OR11G2: variants seen among roughly 807,000 people sequenced by gnomAD.
OR11G2 encodes olfactory receptor 11G2.
A neutral mutation model predicts 0.9 loss-of-function variants in OR11G2; 2 were observed. The observed-to-expected ratio is 2.35, with a 90% CI of 0.96 to 7.38. OR11G2 has a LOEUF of 7.38. Ranked by LOEUF, OR11G2 falls within the 30% of genes most tolerant of loss-of-function variation. The pLI, the probability that OR11G2 is intolerant of heterozygous loss-of-function variation, is 0.05. For missense variants in OR11G2, 395 were observed against 371.3 expected, an observed-to-expected ratio of 1.06 and a Z score of -0.52; for synonymous variants, 153 against 142.0, an observed-to-expected ratio of 1.08 and a Z score of -0.55.
rs1470967821 is a variant in OR11G2, at chr14:20,194,221, T to C, written c.-5+2555T>C. On this transcript the variant is annotated intron_variant, in intron 1 of 1. Transcript: ENST00000641879. ...GGAAAGGAACTGGTCTGATTTTCTT[T>C]CTTTAAGGAGTTACTCTGGCTGTGG... Among the ~76,000 whole-genome samples the C allele has an allele frequency of 2.6e-5, 4 of 152,190 alleles. No homozygotes were observed. In the East Asian group the frequency reaches 7.7e-4, roughly 29 times the overall value.
At chr14:20,192,006 C>T (rs1196186321) in intron 1 of OR11G2, among the ~76,000 whole-genome samples, 1 of 151,688 alleles carries the variant, frequency 6.6e-6, no homozygotes, top group South Asian at 2.1e-4. Context: ...GATTCTCCTG[C>T]TTCAGCCTCC....
rs1253970442 is a variant in OR11G2 at position 20,200,996 on chromosome 14, G to A, written c.*2623G>A. 1 of 152,056 alleles carries A rather than the reference G, an allele frequency of 6.6e-6. No homozygotes were observed. Among genetic ancestry groups the A allele is most frequent in the East Asian group, 1.9e-4 (1 of 5,186 alleles). The allele number at this position is 152,056 out of a possible 1,614,324, so 9.4% of individuals were successfully genotyped here. A position where few individuals can be genotyped will look rare whatever the true frequency, so the allele number is the denominator to read the frequency against. ...TTGCTTCAGGCAAGAAGAATTTTGTGTCTAAGGAACAAGATAGTAAAGGAG... is the reference window on the plus strand; with the variant it reads ...TTGCTTCAGGCAAGAAGAATTTTGTATCTAAGGAACAAGATAGTAAAGGAG... On this transcript the variant is annotated 3_prime_UTR_variant, in exon 2 of 2. Coordinates refer to ENST00000641879, the MANE Select transcript of OR11G2 (RefSeq NM_001386033.1).
Position 20,198,479 on chromosome 14 carries a change from A to C in OR11G2, c.*106A>C. On this transcript the variant is annotated 3_prime_UTR_variant, in exon 2 of 2. Transcript: ENST00000641879. ...CGCGGTGGCTTACGCCTGTAATCCCAGCACTTTGGGAGCCCGAGGCGGGTG... is the reference window on the plus strand; with the variant it reads ...CGCGGTGGCTTACGCCTGTAATCCCCGCACTTTGGGAGCCCGAGGCGGGTG... The C allele has an allele frequency of 1.3e-6, 1 of 776,526 alleles. No homozygotes were observed. The highest frequency in any genetic ancestry group is 2.1e-6 in the Non-Finnish European group (1 of 480,212). 48.1% of individuals were successfully genotyped at this position (776,526 alleles called of 1,614,324 possible). A position where few individuals can be genotyped will look rare whatever the true frequency, so the allele number is the denominator to read the frequency against.
rs1196781954 is a variant in OR11G2, at chr14:20,197,534, G to C, written c.97G>C (p.Val33Leu). 1 of 1,614,026 alleles carries C rather than the reference G, an allele frequency of 6.2e-7. No homozygotes were observed. Among genetic ancestry groups the C allele is most frequent in the Non-Finnish European group, 8.5e-7 (1 of 1,179,982 alleles). The change falls in exon 2 of 2, where the codon GTG (valine) becomes CTG (leucine). Residue 33 changes from valine to leucine, a missense_variant. Val to Leu is a conservative substitution (Grantham distance 32). Coordinates refer to ENST00000641879, the MANE Select transcript of OR11G2 (RefSeq NM_001386033.1). ...CPREGQILLF[V>L]LFTVVYLLTL... ...CAGGGAGGGGCAGATCCTCCTCTTT[G>C]TGCTCTTCACTGTTGTTTACCTCCT...
At chr14:20,195,124 T>G (rs1290389176) in intron 1 of OR11G2, among the ~76,000 whole-genome samples, 1 of 152,216 alleles carries the variant, frequency 6.6e-6, no homozygotes, top group Admixed American at 6.5e-5. Flanking sequence ...TTAATCCTTA[T>G]TTTGCTTATA....
intron 1 of OR11G2, 39 bp from the exon 2 acceptor site, chr14:20,197,395 C>A (rs768817609): frequency 1.2e-6 from 2 of 1,609,982 alleles, no homozygotes. Context: ...TATGTTTGCA[C>A]CGTCATTCAG....
rs2139116588 is a variant in OR11G2, at chr14:20,198,606, G to C, written c.*233G>C. 5 of 273,844 alleles carry C rather than the reference G, an allele frequency of 1.8e-5. No homozygotes were observed. In the South Asian group the frequency reaches 2.8e-4, roughly 15 times the overall value. 17.0% of individuals were successfully genotyped at this position (273,844 alleles called of 1,614,324 possible). A position where few individuals can be genotyped will look rare whatever the true frequency, so the allele number is the denominator to read the frequency against. On this transcript the variant is annotated 3_prime_UTR_variant, in exon 2 of 2. Transcript: ENST00000641879. ...TAGCCGGGCGTGGTGGCGGACGCCT[G>C]TAGTCCCAGCTACTCGGGAGGCTGA...
rs986385127 is a variant in OR11G2, at chr14:20,191,600, C to T, written c.-71C>T. 6.6e-6 allele frequency: 1 copy of T among 152,270 alleles called. No individual in the cohort carries two copies. The highest frequency in any genetic ancestry group is 1.5e-5 in the Non-Finnish European group (1 of 68,116). 9.4% of individuals were successfully genotyped at this position (152,270 alleles called of 1,614,324 possible). A position where few individuals can be genotyped will look rare whatever the true frequency, so the allele number is the denominator to read the frequency against. ...AATCTGCCTGCCACTTTGGACAGCTCCAGTTTAGCCCTGTGCCAGGTAAAC... is the reference window on the plus strand; with the variant it reads ...AATCTGCCTGCCACTTTGGACAGCTTCAGTTTAGCCCTGTGCCAGGTAAAC... On this transcript the variant is annotated 5_prime_UTR_variant, in exon 1 of 2. Transcript: ENST00000641879.
In OR11G2 at chr14:20,198,200, T is replaced by A. The variant is rs2139115488; in HGVS notation, c.763T>A (p.Phe255Ile). 6.2e-7 allele frequency: 1 copy of A among 1,614,156 alleles called. No homozygotes were observed. Among genetic ancestry groups the A allele is most frequent in the Non-Finnish European group, 8.5e-7 (1 of 1,180,018 alleles). ...CGSHLAVVSL[F>I]YGSVLVMYGS... Reference sequence around the variant, plus strand: ...GTCTCACCTGGCTGTGGTTTCACTGTTCTACGGCTCAGTACTGGTCATGTA... The same window carrying A: ...GTCTCACCTGGCTGTGGTTTCACTGATCTACGGCTCAGTACTGGTCATGTA... The change falls in exon 2 of 2, where the codon TTC becomes ATC. Residue 255 changes from phenylalanine (F) to isoleucine (I), a missense_variant. Phe to Ile is a conservative substitution (Grantham distance 21). Transcript: ENST00000641879.
At position 20,198,008 on chromosome 14, in the gene OR11G2, C is replaced by T; in HGVS notation, c.571C>T (p.Leu191Phe). 1 of 1,548,144 alleles carries T rather than the reference C, an allele frequency of 6.5e-7. No individual in the cohort carries two copies. The highest frequency in any genetic ancestry group is 1.8e-5 in the Admixed American group (1 of 54,308). ...ATGTGACCCAGCTCCTCTTCTAACT[C>T]TCACTTGCAAAAAAGGCCCTGTGAT... Reference protein sequence around the residue: ...FLCDPAPLLTLTCKKGPVIEL... With the variant: ...FLCDPAPLLTFTCKKGPVIEL... Residue 191 changes from leucine (L) to phenylalanine (F), a missense_variant, in exon 2 of 2, where the codon CTC becomes TTC. Transcript: ENST00000641879.
In OR11G2 at chr14:20,198,285, C is replaced by T. The variant is rs1879820724; in HGVS notation, c.848C>T (p.Ser283Phe). The T allele has an allele frequency of 2.5e-6, 4 of 1,613,478 alleles. No individual in the cohort carries two copies. The highest frequency in any genetic ancestry group is 3.4e-6 in the Non-Finnish European group (4 of 1,179,586). The change falls in exon 2 of 2, where the codon TCT becomes TTT. Residue 283 changes from serine to phenylalanine, a missense_variant. Coordinates refer to ENST00000641879, the MANE Select transcript of OR11G2 (RefSeq NM_001386033.1). The stretch of plus-strand genomic sequence containing the variant: ...CAGAAGACTGTGACTCTGTTTTATT[C>T]TGTTGTTACCCCACTGCTTAACCCT... The part of the protein sequence containing the change: ...GKQKTVTLFY[S>F]VVTPLLNPVI...
chr14:20,193,484 T>C (rs1420983323), intron 1 of OR11G2, among the ~76,000 whole-genome samples: 1 of 152,232 alleles, frequency 6.6e-6, no homozygotes, highest in Non-Finnish European at 1.5e-5. Context: ...CTTGTTCTGT[T>C]TTCCCTATAA....
intron 1 of OR11G2, among the ~76,000 whole-genome samples, chr14:20,194,327 A>G (rs2139110015): frequency 6.6e-6 from 1 of 152,306 alleles, no homozygotes; most frequent in Non-Finnish European, 1.5e-5. Context: ...CCAGGGGAGA[A>G]AAGAGAATAG....
chr14:20,200,662 T>C lies in OR11G2; in HGVS notation c.*2289T>C, dbSNP rs950504312. 1.3e-5 allele frequency: 2 copies of C among 152,206 alleles called. No individual in the cohort carries two copies. Among genetic ancestry groups the C allele is most frequent in the Non-Finnish European group, 2.9e-5 (2 of 68,040 alleles). The allele number at this position is 152,206 out of a possible 1,614,324, so 9.4% of individuals were successfully genotyped here. A position where few individuals can be genotyped will look rare whatever the true frequency, so the allele number is the denominator to read the frequency against. On this transcript the variant is annotated 3_prime_UTR_variant, in exon 2 of 2. Coordinates refer to ENST00000641879, the MANE Select transcript of OR11G2 (RefSeq NM_001386033.1). ...AACAGCACCTCAACTTTTAAGTTGT[T>C]TAACCTACAGATATTTTTACACATG...
At chr14:20,197,337 T>C (rs754631729) in intron 1 of OR11G2, 97 bp from the exon 2 acceptor site, 2 of 1,475,156 alleles carry the variant, frequency 1.4e-6, no homozygotes, top group South Asian at 1.3e-5. Flanking sequence ...AGTAAATTTA[T>C]GCATTTTCTT....
In OR11G2 at chr14:20,201,028, T is replaced by C. The variant is rs1879892846; in HGVS notation, c.*2655T>C. 2.0e-5 allele frequency: 3 copies of C among 152,152 alleles called. No individual in the cohort carries two copies. Among genetic ancestry groups the C allele is most frequent in the Admixed American group, 2.0e-4 (3 of 15,286 alleles). 9.4% of individuals were successfully genotyped at this position (152,152 alleles called of 1,614,324 possible). On this transcript the variant is annotated 3_prime_UTR_variant, in exon 2 of 2. Coordinates refer to ENST00000641879, the MANE Select transcript of OR11G2 (RefSeq NM_001386033.1). Reference sequence around the variant, plus strand: ...GAACAAGATAGTAAAGGAGACTTTTTTTTCATAACTCCTTTTGTGCGTTCA... The same window carrying C: ...GAACAAGATAGTAAAGGAGACTTTTCTTTCATAACTCCTTTTGTGCGTTCA...
At chr14:20,195,813 A>G (rs891144720) in intron 1 of OR11G2, among the ~76,000 whole-genome samples, 6 of 152,178 alleles carry the variant, frequency 3.9e-5, no homozygotes, top group African/African-American at 1.4e-4. Flanking sequence ...AGTAAGACTG[A>G]CAAAACACAA....
chr14:20,195,756 A>C (rs763535033), intron 1 of OR11G2, among the ~76,000 whole-genome samples: 5 of 152,244 alleles, frequency 3.3e-5, no homozygotes, highest in Non-Finnish European at 7.4e-5. Flanking sequence ...GCAGGGGAGG[A>C]AAAAATTTTT....
At chr14:20,192,338 C>G (rs540894633) in intron 1 of OR11G2, among the ~76,000 whole-genome samples, 2 of 152,196 alleles carry the variant, frequency 1.3e-5, no homozygotes, top group African/African-American at 4.8e-5. Context: ...ATCCAACTCC[C>G]ATTTCATATA....
Sources: allele counts gnomAD v4.1 joint callset (sites outside exome capture counted in the v4.1 genomes callset), GRCh38; gene constraint gnomAD v4.1.1; transcripts MANE v1.5; gene names NCBI Gene and HGNC (gene_info 2026-07-23, HGNC 2026-07-21).